Variants in NKAIN3 observed in about 807,000 individuals in gnomAD.
The protein encoded by NKAIN3 is sodium/potassium transporting ATPase interacting 3.
A neutral mutation model predicts 30.2 loss-of-function variants in NKAIN3; 25 were observed. The observed-to-expected ratio is 0.83, with a 90% CI of 0.60 to 1.16. The LOEUF (loss-of-function observed/expected upper bound fraction) is 1.16, where lower values mean the gene tolerates loss of function less well. NKAIN3 is among the 50% of genes most tolerant of loss of function. The pLI is 0.00. For missense variants in NKAIN3, 225 were observed against 254.1 expected, an observed-to-expected ratio of 0.89 and a Z score of 0.78; for synonymous variants, 91 against 89.6, an observed-to-expected ratio of 1.02 and a Z score of -0.09.
intron 4 of NKAIN3, among the ~76,000 whole-genome samples, chr8:62,776,150 G>C (rs1005433628): frequency 1.3e-5 from 2 of 151,932 alleles, no homozygotes; most frequent in African/African-American, 4.8e-5. Flanking sequence ...CAGTCTATGT[G>C]TGCCTTTATA....
Position 62,625,770 on chromosome 8 carries a change from T to G in NKAIN3, c.273+35976T>G, listed in dbSNP as rs74478900. ...GTGAGAAGGAATTGGAAATTGCCAT[T>G]TTCTCTTCCTTTTTCCTTTGTTGGG... is the stretch of plus-strand genomic sequence containing the variant. On this transcript the variant is annotated intron_variant, in intron 3 of 6. Transcript: ENST00000623646. Among the ~76,000 whole-genome samples the G allele has an allele frequency of 7.6e-3, 1,161 of 152,096 alleles. 8 individuals are homozygous for G. Among genetic ancestry groups the G allele is most frequent in the Non-Finnish European group, 0.013 (870 of 67,956 alleles).
At chr8:62,669,248 C>T (rs1413170704) in intron 3 of NKAIN3, among the ~76,000 whole-genome samples, 4 of 152,186 alleles carry the variant, frequency 2.6e-5, no homozygotes, top group African/African-American at 9.7e-5. Flanking sequence ...GTTCATTTGA[C>T]CTAAACTTTA....
chr8:62,354,086 T>C (rs7830934), intron 1 of NKAIN3, among the ~76,000 whole-genome samples: 6,109 of 152,210 alleles, frequency 0.04, 437 homozygotes, highest in African/African-American at 0.14. Context: ...GTTATTTTTG[T>C]TTTAGGAAGG....
intron 3 of NKAIN3, among the ~76,000 whole-genome samples, chr8:62,741,988 T>C (rs948145275): frequency 2.6e-4 from 40 of 152,162 alleles, no homozygotes; most frequent in African/African-American, 4.8e-5. Flanking sequence ...TTCTACAAAC[T>C]ATTCCTTGAT....
intron 1 of NKAIN3, among the ~76,000 whole-genome samples, chr8:62,479,293 G>T (rs1325348710): frequency 6.6e-6 from 1 of 152,064 alleles, no homozygotes; most frequent in Non-Finnish European, 1.5e-5. Flanking sequence ...TCTCTGACAG[G>T]TACTCTACCT....
At chr8:62,559,095 G>A (rs888806641) in intron 1 of NKAIN3, among the ~76,000 whole-genome samples, 2 of 151,726 alleles carry the variant, frequency 1.3e-5, no homozygotes, top group African/African-American at 4.8e-5. Flanking sequence ...TCCAAATATG[G>A]TCTATCTGAT....
intron 4 of NKAIN3, among the ~76,000 whole-genome samples, chr8:62,792,657 G>C (rs2130675903): frequency 6.9e-6 from 1 of 144,306 alleles, no homozygotes; most frequent in East Asian, 2.0e-4. Context: ...GAGGACCAAG[G>C]TATCAAGGAA....
chr8:62,391,372 T>G (rs575745302), intron 1 of NKAIN3, among the ~76,000 whole-genome samples: 1 of 152,204 alleles, frequency 6.6e-6, no homozygotes, highest in East Asian at 1.9e-4. Context: ...TGGTACTAAT[T>G]TAGCTGAGAA....
At chr8:62,311,697 G>T (rs1329391447) in intron 1 of NKAIN3, among the ~76,000 whole-genome samples, 1 of 150,406 alleles carries the variant, frequency 6.6e-6, no homozygotes, top group East Asian at 1.9e-4. Flanking sequence ...TCTCCACATG[G>T]ACGTGCCACC....
chr8:62,852,408 C>T (rs1715268915), intron 4 of NKAIN3, among the ~76,000 whole-genome samples: 1 of 152,156 alleles, frequency 6.6e-6, no homozygotes, highest in Non-Finnish European at 1.5e-5. Flanking sequence ...AAACCAGCTC[C>T]TGGATTCATT....
chr8:62,599,434 G>T (rs1041918711), intron 3 of NKAIN3, among the ~76,000 whole-genome samples: 1 of 152,018 alleles, frequency 6.6e-6, no homozygotes, highest in Non-Finnish European at 1.5e-5. Flanking sequence ...AACAATAATC[G>T]CACTGGGTTG....
At chr8:62,907,517 G>GC (rs953534801) in intron 4 of NKAIN3, among the ~76,000 whole-genome samples, 63 of 152,090 alleles carry the variant, frequency 4.1e-4, no homozygotes, top group Non-Finnish European at 2.8e-4. Flanking sequence ...TCATGGCAGC[G>GC]CCCCCCATAA....
intron 1 of NKAIN3, among the ~76,000 whole-genome samples, chr8:62,292,832 A>G (rs1002841598): frequency 3.3e-5 from 5 of 152,174 alleles, no homozygotes; most frequent in Non-Finnish European, 1.5e-5. Context: ...GTGTTTTCCA[A>G]CTTGGTTCCA....
intron 1 of NKAIN3, among the ~76,000 whole-genome samples, chr8:62,270,204 T>G (rs1409276358): frequency 6.6e-6 from 1 of 152,066 alleles, no homozygotes; most frequent in Non-Finnish European, 1.5e-5. Flanking sequence ...CTCAGTCTCC[T>G]GAGTAGCTGG....
chr8:62,318,915 C>A (rs1402581632), intron 1 of NKAIN3, among the ~76,000 whole-genome samples: 1 of 152,188 alleles, frequency 6.6e-6, no homozygotes, highest in Non-Finnish European at 1.5e-5. Context: ...ATGGTACCAG[C>A]TCCTCCTTGT....
intron 1 of NKAIN3, among the ~76,000 whole-genome samples, chr8:62,521,350 AC>A (rs1488455691): frequency 6.6e-6 from 1 of 152,082 alleles, no homozygotes; most frequent in African/African-American, 2.4e-5. Flanking sequence ...GAGTTTTCAA[AC>A]TTTTTTTCTT....
chr8:62,450,961 T>TA (rs1805619896), intron 1 of NKAIN3, among the ~76,000 whole-genome samples: 1 of 152,130 alleles, frequency 6.6e-6, no homozygotes, highest in Admixed American at 6.6e-5. Flanking sequence ...CAGTGAAAGG[T>TA]AGAGTGATTT....
intron 4 of NKAIN3, among the ~76,000 whole-genome samples, chr8:62,819,243 G>A (rs1470592026): frequency 6.6e-6 from 1 of 150,924 alleles, no homozygotes; most frequent in Non-Finnish European, 1.5e-5. Flanking sequence ...ACAAACTGAA[G>A]TATTCACAAA....
chr8:62,289,740 C>T (rs889887618), intron 1 of NKAIN3, among the ~76,000 whole-genome samples: 1 of 152,094 alleles, frequency 6.6e-6, no homozygotes, highest in African/African-American at 2.4e-5. Context: ...TTTTTGGTTT[C>T]ATATGAACTT....
Sources: gnomAD v4.1 joint callset for allele counts (sites outside exome capture counted in the v4.1 genomes callset) on GRCh38, gnomAD v4.1.1 for gene constraint, MANE v1.5 for transcripts, NCBI Gene and HGNC (gene_info 2026-07-23, HGNC 2026-07-21) for gene names.